The following RERE variants were observed in gnomAD, a reference collection of about 807,000 sequenced individuals.
The protein encoded by RERE is arginine-glutamic acid dipeptide repeats, also known as arginine-glutamic acid dipeptide repeats protein.
Under a neutral mutation model 146.1 loss-of-function variants are expected in RERE, and 40 were observed. The observed-to-expected ratio is 0.27, with a 90% confidence interval of 0.21 to 0.36. The LOEUF (loss-of-function observed/expected upper bound fraction) is 0.36, where lower values mean the gene tolerates loss of function less well. Ranked by LOEUF, RERE falls within the 10% of genes least tolerant of loss-of-function variation. The pLI, the probability that RERE is intolerant of heterozygous loss-of-function variation, is 1.00. For synonymous variants in RERE, 1,003 were observed against 866.0 expected (o/e 1.16, Z -2.78); for missense variants, 1,933 against 2,138.7 (o/e 0.90, Z 1.90).
At chr1:8,382,279 C>T (rs147553496) in intron 12 of RERE, among the ~76,000 whole-genome samples, 1 of 152,258 alleles carries the variant, frequency 6.6e-6, no homozygotes, top group African/African-American at 2.4e-5. Flanking sequence ...TCTCTGCCAA[C>T]GGCAGTGGTC....
At chr1:8,630,811 C>T (rs1167382343) in intron 2 of RERE, among the ~76,000 whole-genome samples, 1 of 152,178 alleles carries the variant, frequency 6.6e-6, no homozygotes, top group Non-Finnish European at 1.5e-5. Context: ...TAAATGAAGC[C>T]TTCCCAGTCC....
intron 11 of RERE, among the ~76,000 whole-genome samples, chr1:8,442,526 C>T (rs1413999611): frequency 3.9e-5 from 6 of 152,148 alleles, no homozygotes; most frequent in African/African-American, 9.7e-5. Flanking sequence ...GCCACACAGA[C>T]GCCAGCACCG....
chr1:8,662,150 T>C (rs914037913), intron 1 of RERE, among the ~76,000 whole-genome samples: 1 of 152,228 alleles, frequency 6.6e-6, no homozygotes, highest in African/African-American at 2.4e-5. Flanking sequence ...TCACAGTTTT[T>C]TGATCCTATT....
At chr1:8,738,199 C>T (rs1047081935) in intron 1 of RERE, among the ~76,000 whole-genome samples, 2 of 152,190 alleles carry the variant, frequency 1.3e-5, no homozygotes, top group Admixed American at 6.5e-5. Context: ...CCAGCTGAGC[C>T]TTTACCTCCT....
chr1:8,441,574 C>A (rs1182423253), intron 11 of RERE, among the ~76,000 whole-genome samples: 3 of 152,218 alleles, frequency 2.0e-5, no homozygotes, highest in Non-Finnish European at 4.4e-5. Context: ...CTGCTTTCAA[C>A]AAAACACAAG....
rs183678918 is a variant in RERE, at chr1:8,451,815, C to T, written c.1203+14110G>A. On this transcript the variant is annotated intron_variant, in intron 11 of 22. Coordinates refer to ENST00000400908, the MANE Select transcript of RERE (RefSeq NM_001042681.2). ...TCAAGTTCTCCCGATGACTCTAACG[C>T]ACAGCCAAGTTTACAAGACGTCCTC... Among the ~76,000 whole-genome samples, 149 of 152,298 alleles carry T rather than the reference C, an allele frequency of 9.8e-4. 2 individuals carry two copies. The highest frequency in any genetic ancestry group is 3.5e-3 in the African/African-American group (146 of 41,560).
At chr1:8,603,761 C>A (rs1646662304) in intron 4 of RERE, among the ~76,000 whole-genome samples, 1 of 151,852 alleles carries the variant, frequency 6.6e-6, no homozygotes, top group African/African-American at 2.4e-5. Flanking sequence ...ACATCCTCAA[C>A]GTAAGCAACA....
intron 1 of RERE, among the ~76,000 whole-genome samples, chr1:8,735,798 T>G (rs1429996182): frequency 6.6e-6 from 1 of 152,154 alleles, no homozygotes; most frequent in Non-Finnish European, 1.5e-5. Context: ...TGAAGATGCC[T>G]GCTCCAGCTC....
In RERE at chr1:8,360,473, T is replaced by A; in HGVS notation, c.3034A>T (p.Asn1012Tyr). The change falls in exon 18 of 23, where the codon AAC becomes TAC. Residue 1012 changes from asparagine to tyrosine, a missense_variant. Physicochemically the swap from Asn to Tyr is moderately radical, Grantham distance 143. This residue lies in a region of RERE where 1,255 missense variants were observed against 1,153.8 expected (regional missense o/e 1.09). Transcript: ENST00000400908. Reference protein sequence around the residue: ...AQPPGLTQSQNLPPPPASHPP... With the variant: ...AQPPGLTQSQYLPPPPASHPP... Reference sequence around the variant, plus strand: ...TGGGAGGCAGGGGGCGGGGGCAGGTTCTGGCTCTGGGTCAGCCCGGGGGGC... The same window carrying A: ...TGGGAGGCAGGGGGCGGGGGCAGGTACTGGCTCTGGGTCAGCCCGGGGGGC... 9.0e-7 allele frequency: 1 copy of A among 1,111,960 alleles called. No individual in the cohort carries two copies. Among genetic ancestry groups the A allele is most frequent in the Non-Finnish European group, 1.2e-6 (1 of 842,662 alleles). 68.9% of individuals were successfully genotyped at this position (1,111,960 alleles called of 1,614,324 possible).
At chr1:8,521,019 C>T (rs1408812335) in intron 7 of RERE, among the ~76,000 whole-genome samples, 5 of 151,858 alleles carry the variant, frequency 3.3e-5, no homozygotes, top group Admixed American at 6.6e-5. Context: ...TATTCCTCCT[C>T]GCTGCAGTGG....
intron 1 of RERE, among the ~76,000 whole-genome samples, chr1:8,679,529 T>C (rs1224027615): frequency 1.3e-5 from 2 of 152,142 alleles, no homozygotes; most frequent in Middle Eastern, 3.2e-3. Context: ...CAACATATTA[T>C]ACCATCACTC....
intron 7 of RERE, among the ~76,000 whole-genome samples, chr1:8,532,091 T>A (rs1570400731): frequency 6.6e-6 from 1 of 152,318 alleles, no homozygotes; most frequent in East Asian, 1.9e-4. Context: ...AAAAGATGAT[T>A]GTCTATGTTT....
At chr1:8,766,133 AAAAC>A (rs1244779606) in intron 1 of RERE, among the ~76,000 whole-genome samples, 2 of 152,178 alleles carry the variant, frequency 1.3e-5, no homozygotes, top group Non-Finnish European at 2.9e-5. Context: ...ACAAAAAGAA[AAAAC>A]AAACAAAAGA....
At position 8,356,602 on chromosome 1, in the gene RERE, A is replaced by G. The variant is rs1641304460; in HGVS notation, c.4340-356T>C. 6.6e-6 allele frequency among the ~76,000 whole-genome samples: 1 copy of G among 152,150 alleles called. No individual in the cohort carries two copies. Among genetic ancestry groups the G allele is most frequent in the South Asian group, 2.1e-4 (1 of 4,834 alleles). On this transcript the variant is annotated intron_variant, in intron 20 of 22. Transcript: ENST00000400908. The surrounding 1 kb of genome is among the most constrained non-coding windows in gnomAD (Gnocchi z 5.2). ...CCTCTGCCTGTCAGGTCACAGGAAC[A>G]CACAGCCTTGCGCCAGTGGGTGTTG...
intron 7 of RERE, among the ~76,000 whole-genome samples, chr1:8,526,454 C>T (rs2124354911): frequency 6.6e-6 from 1 of 152,212 alleles, no homozygotes; most frequent in South Asian, 2.1e-4. Context: ...GAAGCAACTT[C>T]ACAAATTTCT....
chr1:8,697,670 G>A (rs1036875239), intron 1 of RERE, among the ~76,000 whole-genome samples: 2 of 152,118 alleles, frequency 1.3e-5, no homozygotes, highest in Non-Finnish European at 2.9e-5. Flanking sequence ...TTACAGGCGC[G>A]AGCCACCACA....
intron 1 of RERE, among the ~76,000 whole-genome samples, chr1:8,665,265 T>C (rs1052053963): frequency 1.3e-5 from 2 of 152,356 alleles, no homozygotes; most frequent in South Asian, 4.1e-4. Context: ...TCCACAACTG[T>C]AACTTTACAT....
Position 8,747,465 on chromosome 1 carries a change from A to AT in RERE, c.-145+69694dup, listed in dbSNP as rs200942857. ...GAAGGCTCAAAGAAAGTTTTGTCCA[A>AT]TTTTTTTTTTTAAACACCCTAATTT... is the stretch of plus-strand genomic sequence containing the variant. On this transcript the variant is annotated intron_variant, in intron 1 of 22. Coordinates refer to ENST00000400908, the MANE Select transcript of RERE (RefSeq NM_001042681.2). Among the ~76,000 whole-genome samples, 28 of 148,310 alleles carry AT rather than the reference A, an allele frequency of 1.9e-4. 1 individual carries two copies. Among genetic ancestry groups the AT allele is most frequent in the East Asian group, 3.9e-4 (2 of 5,108 alleles).
chr1:8,748,535 G>GC (rs952041913), intron 1 of RERE, among the ~76,000 whole-genome samples: 1 of 152,144 alleles, frequency 6.6e-6, no homozygotes, highest in Admixed American at 6.5e-5. Context: ...GTGCTCCAAC[G>GC]CAAGTATATG....
Sources: allele counts gnomAD v4.1 joint callset (sites outside exome capture counted in the v4.1 genomes callset), GRCh38; gene constraint gnomAD v4.1.1; regional missense constraint gnomAD v4.1.1; non-coding constraint Gnocchi (gnomAD v3.1); transcripts MANE v1.5; gene names NCBI Gene and HGNC (gene_info 2026-07-23, HGNC 2026-07-21).